The following ZNF730 variants were observed in gnomAD, a reference collection of about 807,000 sequenced individuals.
ZNF730 encodes zinc finger protein 730.
ZNF730 carries 12 observed loss-of-function variants against 12.6 expected under a neutral mutation model. The observed-to-expected ratio is 0.95, with a 90% CI of 0.61 to 1.54. The LOEUF (loss-of-function observed/expected upper bound fraction) is 1.54, where lower values mean the gene tolerates loss of function less well. Among genes scored for constraint, ZNF730 ranks in the 40% most tolerant of loss-of-function variants. The pLI, the probability that ZNF730 is intolerant of heterozygous loss-of-function variation, is 0.00. For missense variants in ZNF730, 643 were observed against 583.5 expected (o/e 1.10, Z -1.05); for synonymous variants, 194 against 195.8 (o/e 0.99, Z 0.08).
intron 3 of ZNF730, among the ~76,000 whole-genome samples, chr19:23,141,354 C>T (rs1398817209): frequency 4.0e-5 from 6 of 151,086 alleles, no homozygotes; most frequent in Non-Finnish European, 7.4e-5. Flanking sequence ...GAGATCACGC[C>T]ACTGCACTCC....
intron 2 of ZNF730, among the ~76,000 whole-genome samples, chr19:23,135,468 T>C (rs1599598220): frequency 6.6e-6 from 1 of 151,848 alleles, no homozygotes; most frequent in Admixed American, 6.6e-5. Flanking sequence ...TAAGAACCTA[T>C]AAAATTAAAA....
chr19:23,114,733 A>G (rs1016188314), upstream of ZNF730, among the ~76,000 whole-genome samples: 1 of 152,024 alleles, frequency 6.6e-6, no homozygotes, highest in Non-Finnish European at 1.5e-5. Context: ...TTGATTTTCT[A>G]AACTCATCCC....
chr19:23,081,828 A>G (rs904558327), intron 1 of ZNF730, among the ~76,000 whole-genome samples: 2 of 152,134 alleles, frequency 1.3e-5, no homozygotes, highest in African/African-American at 4.8e-5. Flanking sequence ...GAGCAATGAT[A>G]GCTCACTGTA....
rs1338781037 is a variant in ZNF730 at position 23,135,820 on chromosome 19, AATTTTT to A, written c.131-125_131-120del. On this transcript the variant is annotated intron_variant, in intron 2 of 3. Transcript: ENST00000597761. The stretch of plus-strand genomic sequence containing the variant: ...GCCACCGTGCCTGGTCTATTTAGAA[AATTTTT>A]ATAAATTATTATTTTGGGGTTAATT... 18 of 923,212 alleles carry A rather than the reference AATTTTT, an allele frequency of 1.9e-5. No individual in the cohort carries two copies. In the African/African-American group the frequency reaches 3.0e-4, roughly 15 times the overall value. 57.2% of individuals were successfully genotyped at this position (923,212 alleles called of 1,614,324 possible).
intron 3 of ZNF730, among the ~76,000 whole-genome samples, chr19:23,140,089 G>A (rs1388635963): frequency 6.6e-6 from 1 of 151,910 alleles, no homozygotes; most frequent in Admixed American, 6.6e-5. Context: ...GTGTGTATGT[G>A]TGTATCTATA....
At chr19:23,094,207 GT>G (rs142747717) in intron 1 of ZNF730, among the ~76,000 whole-genome samples, 77 of 147,218 alleles carry the variant, frequency 5.2e-4, no homozygotes, top group African/African-American at 1.8e-3. Flanking sequence ...TTGAATTGCT[GT>G]TTTTTTTTTC....
intron 1 of ZNF730, among the ~76,000 whole-genome samples, chr19:23,121,392 G>A (rs1014181618): frequency 6.6e-6 from 1 of 152,150 alleles, no homozygotes; most frequent in Non-Finnish European, 1.5e-5. Context: ...AGGCTAGAGT[G>A]TAGTGGCACG....
At chr19:23,136,451 C>T (rs1045849422) in intron 3 of ZNF730, among the ~76,000 whole-genome samples, 1 of 152,098 alleles carries the variant, frequency 6.6e-6, no homozygotes, top group African/African-American at 2.4e-5. Flanking sequence ...ATCACCAGGG[C>T]TGGAGTGCAG....
intron 1 of ZNF730, among the ~76,000 whole-genome samples, chr19:23,089,729 T>C (rs537211303): frequency 6.6e-6 from 1 of 152,066 alleles, no homozygotes; most frequent in Non-Finnish European, 1.5e-5. Flanking sequence ...TTATCAGCAG[T>C]GTGAAAACAG....
chr19:23,143,775 A>G (rs1970963554), intron 3 of ZNF730: 8 of 152,142 alleles, frequency 5.3e-5, no homozygotes. Flanking sequence ...CCGGCCTACA[A>G]AATTTTTGTT....
At chr19:23,089,719 T>A (rs1970124137) in intron 1 of ZNF730, among the ~76,000 whole-genome samples, 1 of 152,180 alleles carries the variant, frequency 6.6e-6, no homozygotes, top group African/African-American at 2.4e-5. Context: ...GGTTATGTCT[T>A]TATCAGCAGT....
chr19:23,123,477 G>A (rs1970624044), intron 1 of ZNF730: 1 of 152,164 alleles, frequency 6.6e-6, no homozygotes, highest in African/African-American at 2.4e-5. Context: ...GGCTGAGGCA[G>A]GAGAATGGCC....
At chr19:23,138,379 C>T (rs1394410469) in intron 3 of ZNF730, among the ~76,000 whole-genome samples, 1 of 152,034 alleles carries the variant, frequency 6.6e-6, no homozygotes, top group Non-Finnish European at 1.5e-5. Context: ...TAGAGCTGAC[C>T]ATGAACTGTG....
upstream of ZNF730, among the ~76,000 whole-genome samples, chr19:23,115,560 G>C (rs1250127848): frequency 2.0e-5 from 3 of 152,174 alleles, no homozygotes; most frequent in Non-Finnish European, 2.9e-5. Flanking sequence ...GGTCTTGAAT[G>C]CTTCTGCTTT....
chr19:23,107,472 A>AAAAAC (rs1970408707), intron 1 of ZNF730, among the ~76,000 whole-genome samples: 1 of 149,890 alleles, frequency 6.7e-6, no homozygotes, highest in African/African-American at 2.5e-5. Flanking sequence ...AAAAAAAAAA[A>AAAAAC]AAACCACCAC....
At chr19:23,101,530 T>G (rs938560288) in intron 1 of ZNF730, among the ~76,000 whole-genome samples, 13 of 152,334 alleles carry the variant, frequency 8.5e-5, no homozygotes, top group Admixed American at 2.6e-4. Context: ...GCAGGTGTGA[T>G]TGTATGCATC....
intron 1 of ZNF730, among the ~76,000 whole-genome samples, chr19:23,109,553 C>T (rs964526336): frequency 2.6e-5 from 4 of 151,818 alleles, no homozygotes; most frequent in Admixed American, 6.6e-5. Flanking sequence ...GGATTACAGG[C>T]GCCACACCCA....
At chr19:23,115,318 T>C (rs1970505781), upstream of ZNF730, among the ~76,000 whole-genome samples, 1 of 152,324 alleles carries the variant, frequency 6.6e-6, no homozygotes, top group South Asian at 2.1e-4. Context: ...AGTTTCTTCA[T>C]GTGAAAGAGT....
intron 1 of ZNF730, among the ~76,000 whole-genome samples, chr19:23,132,964 TTAC>T (rs1970763969): frequency 6.6e-6 from 1 of 151,538 alleles, no homozygotes; most frequent in Admixed American, 6.6e-5. Flanking sequence ...AGGGCCACTA[TTAC>T]AACAGTGATG....
Sources: gnomAD v4.1 joint callset for allele counts (sites outside exome capture counted in the v4.1 genomes callset) on GRCh38, gnomAD v4.1.1 for gene constraint, MANE v1.5 for transcripts, NCBI Gene and HGNC (gene_info 2026-07-23, HGNC 2026-07-21) for gene names.